GBE1: variants seen among roughly 807,000 people sequenced by gnomAD.
GBE1 encodes the protein 1,4-alpha-glucan branching enzyme 1.
GBE1 carries 70 observed loss-of-function variants against 88.8 expected under a neutral mutation model. The observed-to-expected ratio is 0.79, with a 90% CI of 0.65 to 0.96. The LOEUF (loss-of-function observed/expected upper bound fraction) is 0.96. Among genes scored for constraint, GBE1 ranks in the 40% least tolerant of loss-of-function variants. The pLI, the probability that GBE1 is intolerant of heterozygous loss-of-function variation, is 0.00. For synonymous variants in GBE1, 284 were observed against 300.1 expected, an observed-to-expected ratio of 0.95 and a Z score of 0.56; for missense variants, 872 against 871.0, an observed-to-expected ratio of 1.00 and a Z score of -0.01.
At chr3:81,556,913 A>C (rs867761308) in intron 12 of GBE1, among the ~76,000 whole-genome samples, 2 of 152,050 alleles carry the variant, frequency 1.3e-5, no homozygotes, top group Middle Eastern at 6.8e-3. Context: ...GTCACTTACA[A>C]TGTGTAACCT....
chr3:81,625,090 A>AGGGG (rs1409790283), intron 7 of GBE1, among the ~76,000 whole-genome samples: 1 of 6,282 alleles, frequency 1.6e-4, no homozygotes, highest in Non-Finnish European at 2.9e-4. Context: ...TTATGTTATG[A>AGGGG]GGGAGGGGGA....
chr3:81,644,867 A>G (rs2107063398), intron 6 of GBE1, among the ~76,000 whole-genome samples: 1 of 152,312 alleles, frequency 6.6e-6, no homozygotes, highest in Middle Eastern at 3.4e-3. Flanking sequence ...TTGAAGTTAC[A>G]GATGGCTAGA....
intron 7 of GBE1, among the ~76,000 whole-genome samples, chr3:81,632,816 A>T (rs1026118741): frequency 1.3e-5 from 2 of 152,184 alleles, no homozygotes; most frequent in African/African-American, 4.8e-5. Context: ...ATCAATTATT[A>T]TACTATACTG....
chr3:81,609,822 G>T (rs1704148451), intron 7 of GBE1, among the ~76,000 whole-genome samples: 1 of 152,150 alleles, frequency 6.6e-6, no homozygotes, highest in African/African-American at 2.4e-5. Context: ...GAACATTTTA[G>T]TGCAGACGTT....
In GBE1 at chr3:81,591,112, T is replaced by C. The variant is rs1161376545; in HGVS notation, c.1161A>G (p.Glu387=). 1.9e-6 allele frequency: 3 copies of C among 1,608,564 alleles called. No homozygotes were observed. In the South Asian group the frequency reaches 3.3e-5, roughly 18 times the overall value. Residue 387 remains glutamate (E), a synonymous_variant, in exon 9 of 16, where the codon GAA becomes GAG. Coordinates refer to ENST00000429644, the MANE Select transcript of GBE1 (RefSeq NM_000158.4). The part of the protein sequence containing the change: ...YSEYFGLQVD[E]DALTYLMLAN... Reference sequence around the variant, plus strand: ...CCAACATGAGGTAAGTCAAGGCATCTTCATCTACTTGTAGTCCGAAATATT... The same window carrying C: ...CCAACATGAGGTAAGTCAAGGCATCCTCATCTACTTGTAGTCCGAAATATT...
intron 12 of GBE1, among the ~76,000 whole-genome samples, chr3:81,549,139 C>T (rs1259743811): frequency 6.7e-6 from 1 of 149,886 alleles, no homozygotes; most frequent in Non-Finnish European, 1.5e-5. Flanking sequence ...AAGCAATTCT[C>T]CTGCCTCAGC....
At chr3:81,546,837 C>T (rs1252776779) in intron 12 of GBE1, among the ~76,000 whole-genome samples, 1 of 151,372 alleles carries the variant, frequency 6.6e-6, no homozygotes, top group African/African-American at 2.4e-5. Context: ...AATAAACTTG[C>T]TTTCACTTTA....
At chr3:81,540,794 C>G in intron 12 of GBE1, among the ~76,000 whole-genome samples, 1 of 152,022 alleles carries the variant, frequency 6.6e-6, no homozygotes, top group East Asian at 1.9e-4. Context: ...TTGGGTAAAT[C>G]AGATTACTAT....
At chr3:81,657,281 A>G (rs1704955490) in intron 3 of GBE1, among the ~76,000 whole-genome samples, 1 of 152,168 alleles carries the variant, frequency 6.6e-6, no homozygotes, top group South Asian at 2.1e-4. Flanking sequence ...TAAATTTACC[A>G]TATGGAAAAG....
At chr3:81,604,488 T>C (rs922033769) in intron 7 of GBE1, among the ~76,000 whole-genome samples, 4 of 151,988 alleles carry the variant, frequency 2.6e-5, no homozygotes, top group African/African-American at 4.8e-5. Context: ...GGTTTTGTCA[T>C]GTTTCCTAGC....
At chr3:81,629,380 A>G (rs1704472579) in intron 7 of GBE1, among the ~76,000 whole-genome samples, 1 of 151,906 alleles carries the variant, frequency 6.6e-6, no homozygotes, top group Middle Eastern at 3.4e-3. Flanking sequence ...ATGGCTGCAT[A>G]GTATTCCATG....
At chr3:81,725,149 T>G (rs1167656809) in intron 1 of GBE1, among the ~76,000 whole-genome samples, 1 of 152,318 alleles carries the variant, frequency 6.6e-6, no homozygotes, top group East Asian at 1.9e-4. Context: ...GCTAAATTTA[T>G]ATTTAAACAT....
intron 7 of GBE1, among the ~76,000 whole-genome samples, chr3:81,614,341 T>C (rs1261558430): frequency 2.0e-5 from 3 of 152,178 alleles, no homozygotes; most frequent in Non-Finnish European, 2.9e-5. Flanking sequence ...TGAAGATTAG[T>C]TCTCAATCAA....
chr3:81,741,068 T>C (rs890966844), intron 1 of GBE1, among the ~76,000 whole-genome samples: 1 of 152,342 alleles, frequency 6.6e-6, no homozygotes, highest in African/African-American at 2.4e-5. Context: ...TCCTGGGTTA[T>C]AATTGAGCCT....
rs542932961 is a variant in GBE1 at position 81,692,371 on chromosome 3, T to G, written c.313+13073A>C. Among the ~76,000 whole-genome samples the G allele has an allele frequency of 2.0e-5, 3 of 152,252 alleles. No homozygotes were observed. In the South Asian group the frequency reaches 6.2e-4, roughly 32 times the overall value. On this transcript the variant is annotated intron_variant, in intron 2 of 15. Transcript: ENST00000429644. The stretch of plus-strand genomic sequence containing the variant: ...ATGTTTGCTTTTCAACCTCAATAAC[T>G]TCATGCTTCATATGCTTTAACTTTA...
chr3:81,735,696 C>A (rs745800371), intron 1 of GBE1, among the ~76,000 whole-genome samples: 2 of 152,100 alleles, frequency 1.3e-5, no homozygotes, highest in Non-Finnish European at 2.9e-5. Flanking sequence ...AACAGCAAGT[C>A]CCTTTAGGAA....
At chr3:81,589,939 T>C (rs1467395122) in intron 9 of GBE1, among the ~76,000 whole-genome samples, 1 of 152,028 alleles carries the variant, frequency 6.6e-6, no homozygotes, top group Admixed American at 6.6e-5. Context: ...CAAACGTAGG[T>C]AGGTCATGAC....
intron 12 of GBE1, among the ~76,000 whole-genome samples, chr3:81,542,680 A>C (rs1476474344): frequency 1.3e-5 from 2 of 151,948 alleles, no homozygotes; most frequent in Non-Finnish European, 2.9e-5. Flanking sequence ...TTAAGAAAAA[A>C]TTCATCTGGG....
At chr3:81,537,905 TTAAAAA>T (rs1703098098) in intron 12 of GBE1, among the ~76,000 whole-genome samples, 2 of 152,070 alleles carry the variant, frequency 1.3e-5, no homozygotes, top group South Asian at 2.1e-4. Flanking sequence ...CCCAATAAAC[TTAAAAA>T]TAAAATAAAA....
Sources: gnomAD v4.1 joint callset for allele counts (sites outside exome capture counted in the v4.1 genomes callset) on GRCh38, gnomAD v4.1.1 for gene constraint, MANE v1.5 for transcripts, NCBI Gene and HGNC (gene_info 2026-07-23, HGNC 2026-07-21) for gene names.